The following VWA3B variants were observed in gnomAD, a reference collection of about 807,000 sequenced individuals.
VWA3B encodes von Willebrand factor A domain containing 3B.
Under a neutral mutation model 158.3 loss-of-function variants are expected in VWA3B, and 138 were observed. That is an observed-to-expected ratio of 0.87 (90% CI 0.76 to 1.00). The LOEUF is 1.00. Among genes scored for constraint, VWA3B ranks in the 50% least tolerant of loss-of-function variants. The pLI, the probability that VWA3B is intolerant of heterozygous loss-of-function variation, is 0.00. For synonymous variants in VWA3B, 596 were observed against 587.3 expected, an observed-to-expected ratio of 1.01 and a Z score of -0.21; for missense variants, 1,555 against 1,565.1, an observed-to-expected ratio of 0.99 and a Z score of 0.11.
At chr2:98,143,901 C>G (rs975159836) in intron 7 of VWA3B, among the ~76,000 whole-genome samples, 3 of 151,830 alleles carry the variant, frequency 2.0e-5, no homozygotes. Context: ...CAGGTGTGCA[C>G]CACTATGCCT....
intron 8 of VWA3B, among the ~76,000 whole-genome samples, chr2:98,170,807 G>A (rs191305669): frequency 2.6e-5 from 4 of 151,946 alleles, no homozygotes; most frequent in African/African-American, 7.3e-5. Flanking sequence ...GGATTTCACT[G>A]TGTTGGCCAG....
intron 5 of VWA3B, among the ~76,000 whole-genome samples, chr2:98,122,897 C>T (rs770467055): frequency 6.6e-6 from 1 of 152,224 alleles, no homozygotes; most frequent in Non-Finnish European, 1.5e-5. Context: ...CACTGATCAT[C>T]AAATGCAGCC....
intron 7 of VWA3B, among the ~76,000 whole-genome samples, chr2:98,152,480 T>A (rs1677717323): frequency 6.6e-6 from 1 of 152,122 alleles, no homozygotes; most frequent in Admixed American, 6.5e-5. Context: ...GAAGGTCCTG[T>A]CGGCACAGGA....
intron 1 of VWA3B, among the ~76,000 whole-genome samples, chr2:98,088,047 A>C (rs936210759): frequency 2.0e-5 from 3 of 152,172 alleles, no homozygotes; most frequent in South Asian, 2.1e-4. Context: ...GCCAATGATC[A>C]CAGCCAAGCC....
At chr2:98,211,902 G>A (rs1207998181) in intron 12 of VWA3B, 28 bp from the exon 13 acceptor site, 1 of 1,592,632 alleles carries the variant, frequency 6.3e-7, no homozygotes, top group Non-Finnish European at 8.6e-7. Context: ...GGATTCAAGT[G>A]TGTCCTTGGT....
chr2:98,232,137 T>C (rs1685379543), intron 16 of VWA3B, among the ~76,000 whole-genome samples: 1 of 152,216 alleles, frequency 6.6e-6, no homozygotes, highest in Non-Finnish European at 1.5e-5. Flanking sequence ...CTTTTCCAGA[T>C]TTTTCATGAT....
intron 7 of VWA3B, among the ~76,000 whole-genome samples, chr2:98,160,894 T>C (rs1285368640): frequency 1.3e-5 from 2 of 152,350 alleles, no homozygotes; most frequent in East Asian, 3.9e-4. Context: ...TAGCTATTAA[T>C]ACTCTCTCAC....
At chr2:98,321,204 C>T in the VWA3B span, among the ~76,000 whole-genome samples, 3 of 152,320 alleles carry the variant, frequency 2.0e-5, no homozygotes, top group East Asian at 1.9e-4. Context: ...GCCTAGATTT[C>T]GGAGGATGTT....
intron 22 of VWA3B, among the ~76,000 whole-genome samples, chr2:98,276,520 C>CT (rs1468442678): frequency 6.6e-6 from 1 of 152,272 alleles, no homozygotes; most frequent in South Asian, 2.1e-4. Context: ...TAAGCACCCC[C>CT]ATGAGCTGAC....
chr2:98,155,491 G>A (rs947353962), intron 7 of VWA3B, among the ~76,000 whole-genome samples: 3 of 152,170 alleles, frequency 2.0e-5, no homozygotes, highest in African/African-American at 7.2e-5. Flanking sequence ...GTGGCCTTGG[G>A]CAAATTTCTC....
At chr2:98,257,371 C>T (rs951442728) in intron 21 of VWA3B, among the ~76,000 whole-genome samples, 2 of 151,876 alleles carry the variant, frequency 1.3e-5, no homozygotes, top group Non-Finnish European at 2.9e-5. Context: ...TCCATCCATC[C>T]GTTGATGGAT....
rs190619057 is a variant in VWA3B, at chr2:98,197,241, T to C, written c.1737+2749T>C. ...GTTTTCTCATTATTAGATTGGGTTA[T>C]GGATTTGGGGGAGGGAATACTCTTC... On this transcript the variant is annotated intron_variant, in intron 12 of 27. Transcript: ENST00000477737. Among the ~76,000 whole-genome samples the C allele has an allele frequency of 3.9e-5, 6 of 152,338 alleles. No individual in the cohort carries two copies. The East Asian group carries it at 1.2e-3, about 29-fold the overall frequency.
In VWA3B at chr2:98,170,035, C is replaced by T. The variant is rs561346710; in HGVS notation, c.1114+7059C>T. ...ACTTGGGAGGCTGAGGTGAGAGAATCGCTTGAGTTGAGAAGTGGGGAGTCG... is the reference window on the plus strand; with the variant it reads ...ACTTGGGAGGCTGAGGTGAGAGAATTGCTTGAGTTGAGAAGTGGGGAGTCG... On this transcript the variant is annotated intron_variant, in intron 8 of 27. Coordinates refer to ENST00000477737, the MANE Select transcript of VWA3B (RefSeq NM_144992.5). 1.3e-4 allele frequency among the ~76,000 whole-genome samples: 20 copies of T among 152,128 alleles called. No individual in the cohort carries two copies. In the South Asian group the frequency reaches 4.0e-3, roughly 30 times the overall value.
chr2:98,138,234 A>G (rs1676440765), intron 7 of VWA3B, among the ~76,000 whole-genome samples: 1 of 152,124 alleles, frequency 6.6e-6, no homozygotes, highest in African/African-American at 2.4e-5. Flanking sequence ...CCATGTAAAC[A>G]TTACCTTTCT....
At chr2:98,088,311 A>G (rs888869087) in intron 1 of VWA3B, among the ~76,000 whole-genome samples, 3 of 152,190 alleles carry the variant, frequency 2.0e-5, no homozygotes, top group Non-Finnish European at 4.4e-5. Flanking sequence ...AACTGGATTA[A>G]TGGACTCTCA....
At chr2:98,150,848 A>G (rs1677566964) in intron 7 of VWA3B, among the ~76,000 whole-genome samples, 1 of 152,308 alleles carries the variant, frequency 6.6e-6, no homozygotes, top group African/African-American at 2.4e-5. Flanking sequence ...AGGGTGAGGA[A>G]GGACTGACAT....
intron 26 of VWA3B, among the ~76,000 whole-genome samples, chr2:98,305,302 G>C (rs760759217): frequency 6.6e-6 from 1 of 152,180 alleles, no homozygotes; most frequent in Non-Finnish European, 1.5e-5. Context: ...TGGGCCTGGA[G>C]GCAGGTTTTT....
intron 14 of VWA3B, among the ~76,000 whole-genome samples, chr2:98,222,626 A>T (rs1183823056): frequency 6.6e-6 from 1 of 152,164 alleles, no homozygotes; most frequent in Non-Finnish European, 1.5e-5. Flanking sequence ...ACACAGGAAC[A>T]CCTGGAGGAC....
At chr2:98,326,368 A>G in the VWA3B span, among the ~76,000 whole-genome samples, 2 of 152,254 alleles carry the variant, frequency 1.3e-5, no homozygotes, top group Non-Finnish European at 2.9e-5. Context: ...AAATTACCTT[A>G]TATCTATGAA....
Sources: allele counts gnomAD v4.1 joint callset (sites outside exome capture counted in the v4.1 genomes callset), GRCh38; gene constraint gnomAD v4.1.1; transcripts MANE v1.5; gene names NCBI Gene and HGNC (gene_info 2026-07-23, HGNC 2026-07-21).